The following PTK2 variants were observed in gnomAD, a reference collection of about 807,000 sequenced individuals.
PTK2 encodes the protein protein tyrosine kinase 2.
In PTK2, 45 loss-of-function variants were observed where a neutral mutation model predicts 150.1. The ratio of observed to expected loss-of-function variants is 0.30; its 90% confidence interval spans 0.24 to 0.38. PTK2 has a LOEUF of 0.38. PTK2 is among the 10% of genes least tolerant of loss of function. The pLI, the probability that PTK2 is intolerant of heterozygous loss-of-function variation, is 1.00. For synonymous variants in PTK2, 432 were observed against 449.2 expected, an observed-to-expected ratio of 0.96 and a Z score of 0.48; for missense variants, 919 against 1,307.3, an observed-to-expected ratio of 0.70 and a Z score of 4.58.
chr8:140,989,602 A>T (rs2100194870), intron 1 of PTK2, among the ~76,000 whole-genome samples: 1 of 151,740 alleles, frequency 6.6e-6, no homozygotes, highest in South Asian at 2.1e-4. Context: ...ACGGCCAGCA[A>T]ATTTATTTTA....
chr8:140,704,604 A>G (rs10100853), intron 24 of PTK2, among the ~76,000 whole-genome samples: 3,716 of 152,246 alleles, frequency 0.024, 155 homozygotes, highest in African/African-American at 0.086. Flanking sequence ...ATTCCCACTC[A>G]GGGCCAGTTC....
At chr8:140,670,477 A>AC (rs1563980233) in intron 29 of PTK2, among the ~76,000 whole-genome samples, 145 of 67,182 alleles carry the variant, frequency 2.2e-3, no homozygotes, top group African/African-American at 6.9e-3. Context: ...AAAAAAAAAA[A>AC]AAAAAACAAC....
At chr8:140,815,824 T>C (rs1307791191) in intron 10 of PTK2, among the ~76,000 whole-genome samples, 2 of 151,958 alleles carry the variant, frequency 1.3e-5, no homozygotes, top group East Asian at 3.8e-4. Context: ...GCTAAAAGGG[T>C]CTTTGATTAA....
intron 2 of PTK2, among the ~76,000 whole-genome samples, chr8:140,893,868 G>C (rs1217762991): frequency 1.3e-5 from 2 of 152,100 alleles, no homozygotes; most frequent in African/African-American, 4.8e-5. Context: ...CCTGTCATTT[G>C]GTAAGGATGT....
intron 10 of PTK2, among the ~76,000 whole-genome samples, chr8:140,814,899 T>C (rs1051878076): frequency 6.6e-6 from 1 of 151,806 alleles, no homozygotes; most frequent in African/African-American, 2.4e-5. Flanking sequence ...CTCAGCCTCC[T>C]GAGTAGCTGG....
At chr8:140,838,203 C>A (rs572653014) in intron 7 of PTK2, among the ~76,000 whole-genome samples, 1 of 152,108 alleles carries the variant, frequency 6.6e-6, no homozygotes, top group Non-Finnish European at 1.5e-5. Context: ...AAAAAGAGAA[C>A]CATGAAATGA....
At chr8:140,984,347 A>G (rs2100192537) in intron 1 of PTK2, among the ~76,000 whole-genome samples, 1 of 151,992 alleles carries the variant, frequency 6.6e-6, no homozygotes, top group Non-Finnish European at 1.5e-5. Flanking sequence ...TCAAACTAAG[A>G]CTCAGTGCCA....
At chr8:140,674,602 G>A (rs1407857801) in intron 28 of PTK2, among the ~76,000 whole-genome samples, 198 bp from the exon 32 acceptor site, 1 of 152,054 alleles carries the variant, frequency 6.6e-6, no homozygotes, top group African/African-American at 2.4e-5. Flanking sequence ...AGCCGGGTGT[G>A]GTGGCACATG....
chr8:140,756,817 A>G (rs62524103), intron 16 of PTK2, among the ~76,000 whole-genome samples: 88,777 of 150,724 alleles, frequency 0.59, 27,873 homozygotes, highest in African/African-American at 0.81. Flanking sequence ...TTGAAATCCC[A>G]TCTCTACTAA....
At chr8:140,739,521 T>G (rs561662739) in intron 20 of PTK2, among the ~76,000 whole-genome samples, 2 of 152,334 alleles carry the variant, frequency 1.3e-5, no homozygotes, top group South Asian at 4.1e-4. Flanking sequence ...TCCTCACTGG[T>G]GGTAGTTATG....
exon 24 of PTK2, chr8:140,706,159 T>A: frequency 6.2e-7 from 1 of 1,613,668 alleles, no homozygotes; most frequent in Non-Finnish European, 8.5e-7. Context: ...TGGGCTGGGA[T>A]AAAATCCTTC....
intron 16 of PTK2, among the ~76,000 whole-genome samples, 175 bp downstream of exon 19, chr8:140,760,990 A>AT (rs944976705): frequency 6.6e-6 from 1 of 152,172 alleles, no homozygotes; most frequent in Non-Finnish European, 1.5e-5. Flanking sequence ...TAATGTTGCC[A>AT]TTTTTTGGTT....
chr8:140,960,189 T>TC (rs1291391949), intron 1 of PTK2, among the ~76,000 whole-genome samples: 8 of 498 alleles, frequency 0.016, no homozygotes, highest in African/African-American at 0.038. Context: ...ATTTTAAACT[T>TC]TTTTTTTTTT....
At chr8:140,738,746 AAAG>A (rs2100053986) in intron 21 of PTK2, among the ~76,000 whole-genome samples, 1 of 152,194 alleles carries the variant, frequency 6.6e-6, no homozygotes, top group African/African-American at 2.4e-5. Flanking sequence ...CCCTGTGAGG[AAAG>A]AAGAGACAGC....
intron 3 of PTK2, among the ~76,000 whole-genome samples, chr8:140,887,429 C>T (rs1482520396): frequency 6.6e-6 from 1 of 152,150 alleles, no homozygotes; most frequent in African/African-American, 2.4e-5. Context: ...ATCTTTTCAA[C>T]AATCAAACAT....
intron 1 of PTK2, among the ~76,000 whole-genome samples, chr8:140,958,331 G>T (rs1003765576): frequency 1.3e-5 from 2 of 152,094 alleles, no homozygotes; most frequent in African/African-American, 2.4e-5. Context: ...TTTTTGTAGA[G>T]ACAGGGTCCC....
At chr8:140,659,489 G>A in exon 32 of PTK2, 3 of 1,612,930 alleles carry the variant, frequency 1.9e-6, no homozygotes, top group Non-Finnish European at 2.5e-6. Context: ...GTCTGCCCAA[G>A]CATTTTCAGT....
intron 14 of PTK2, among the ~76,000 whole-genome samples, chr8:140,782,401 C>A (rs1487107668): frequency 6.6e-6 from 1 of 151,906 alleles, no homozygotes; most frequent in East Asian, 1.9e-4. Context: ...CACGCCTCCA[C>A]GCCTGGCTAC....
chr8:140,888,958 AG>A (rs2100153279), intron 3 of PTK2, among the ~76,000 whole-genome samples: 1 of 152,178 alleles, frequency 6.6e-6, no homozygotes, highest in African/African-American at 2.4e-5. Context: ...GTTTTTTTCC[AG>A]TATGAATTAT....
Sources: gnomAD v4.1 joint callset for allele counts (sites outside exome capture counted in the v4.1 genomes callset) on GRCh38, gnomAD v4.1.1 for gene constraint, MANE v1.5 for transcripts, NCBI Gene and HGNC (gene_info 2026-07-23, HGNC 2026-07-21) for gene names.